Variants in C5 observed in about 807,000 individuals in gnomAD.
The protein encoded by C5 is C3 and PZP-like alpha-2-macroglobulin domain-containing protein 4.
Under a neutral mutation model 218.8 loss-of-function variants are expected in C5, and 140 were observed. That is an observed-to-expected ratio of 0.64 (90% CI 0.56 to 0.74). The LOEUF (loss-of-function observed/expected upper bound fraction) is 0.74. Among genes scored for constraint, C5 ranks in the 30% least tolerant of loss-of-function variants. The pLI is 0.00. For missense variants in C5, 1,700 were observed against 1,969.6 expected (o/e 0.86, Z 2.59); for synonymous variants, 614 against 682.3 (o/e 0.90, Z 1.56).
At position 120,957,378 on chromosome 9, in the gene C5, GACAA is replaced by G. The variant is rs1475452140; in HGVS notation, c.4679-14_4679-11del. The G allele has an allele frequency of 6.2e-7, 1 of 1,604,090 alleles. No individual in the cohort carries two copies. Among genetic ancestry groups the G allele is most frequent in the South Asian group, 1.1e-5 (1 of 90,862 alleles). ...ATGCTAACTTTATAAGCTGGCAAAAGACAAACAACAATGAAACAATTCAGTCTTA... is the reference window on the plus strand; with the variant it reads ...ATGCTAACTTTATAAGCTGGCAAAAGACAACAATGAAACAATTCAGTCTTA... On this transcript the variant is annotated splice_polypyrimidine_tract_variant and intron_variant, in intron 38 of 40. Coordinates refer to ENST00000223642, the MANE Select transcript of C5 (RefSeq NM_001735.3).
rs772694883 is a variant in C5 at position 120,952,748 on chromosome 9, A to T, written c.5022T>A (p.Asn1674Lys). Residue 1674 changes from asparagine (N) to lysine (K), a missense_variant, in exon 41 of 41, where the codon AAT becomes AAA. By Grantham distance (94) the Asn-to-Lys change is moderately conservative. Coordinates refer to ENST00000223642, the MANE Select transcript of C5 (RefSeq NM_001735.3). ...CTGAACTTCAGGAATTTTAGCATCC[A>T]TTTAAAAAGATATCTTCGGCAAATT... is the stretch of plus-strand genomic sequence containing the variant. ...LDEFAEDIFL[N>K]GC 3.1e-6 allele frequency: 5 copies of T among 1,612,994 alleles called. No individual in the cohort carries two copies. In the African/African-American group the frequency reaches 6.7e-5, roughly 22 times the overall value.
At chr9:121,029,723 A>G (rs1279447582) in intron 7 of C5, among the ~76,000 whole-genome samples, 1 of 152,206 alleles carries the variant, frequency 6.6e-6, no homozygotes, top group African/African-American at 2.4e-5. Flanking sequence ...TGCTTTGGAC[A>G]AAAGAATGTG....
In C5 at chr9:120,976,833, G is replaced by A. The variant is rs754562499; in HGVS notation, c.3731C>T (p.Thr1244Met). 56 of 1,613,914 alleles carry A rather than the reference G, an allele frequency of 3.5e-5. No individual in the cohort carries two copies. Among genetic ancestry groups the A allele is most frequent in the African/African-American group, 2.1e-4 (16 of 74,900 alleles). ...HKDSSVPNTG[T>M]ARMVETTAYA... ...GGCAGTTGTTTCTACCATACGTGCC[G>A]TACCAGTGTTAGGTACAGAGCTGTC... The change falls in exon 29 of 41, where the codon ACG becomes ATG. Residue 1244 changes from threonine (T) to methionine (M), a missense_variant. Transcript: ENST00000223642.
intron 25 of C5, among the ~76,000 whole-genome samples, chr9:120,984,922 A>G (rs2047022136): frequency 6.6e-6 from 1 of 151,778 alleles, no homozygotes; most frequent in Admixed American, 6.6e-5. Context: ...GGGTTTCACC[A>G]TGTTGGCCAG....
chr9:121,043,277 T>A, intron 2 of C5, 111 bp from the exon 3 acceptor site: 1 of 940,630 alleles, frequency 1.1e-6, no homozygotes, highest in Non-Finnish European at 1.6e-6. Context: ...GTATATGTAA[T>A]CATTTAAAAA....
At chr9:120,952,946 C>T (rs560815302) in intron 40 of C5, 78 bp from the exon 41 acceptor site, 197 of 1,513,534 alleles carry the variant, frequency 1.3e-4, no homozygotes, top group Middle Eastern at 2.4e-4. Flanking sequence ...TTTTTTGAGA[C>T]GGAGTCTTGC....
intron 12 of C5, among the ~76,000 whole-genome samples, chr9:121,019,279 T>A (rs1405427969): frequency 6.6e-6 from 1 of 152,238 alleles, no homozygotes; most frequent in Non-Finnish European, 1.5e-5. Flanking sequence ...TCTATGGTCC[T>A]CATTACTGTT....
At chr9:121,010,735 T>C (rs2047254796) in intron 17 of C5, among the ~76,000 whole-genome samples, 1 of 152,176 alleles carries the variant, frequency 6.6e-6, no homozygotes, top group Non-Finnish European at 1.5e-5. Flanking sequence ...CTTCAAATTA[T>C]ACTATAGTAT....
At chr9:120,958,567 CTTTT>C (rs41313613) in intron 38 of C5, among the ~76,000 whole-genome samples, 1 of 143,458 alleles carries the variant, frequency 7.0e-6, no homozygotes, top group Admixed American at 7.0e-5. Flanking sequence ...AGCTTTTTAG[CTTTT>C]TTTTTTTTCC....
intron 9 of C5, 52 bp from the exon 10 acceptor site, chr9:121,023,571 G>A (rs747763210): frequency 7.2e-6 from 7 of 968,876 alleles, no homozygotes; most frequent in Admixed American, 1.7e-5. Context: ...ATCATGATCT[G>A]TATGGATATC....
At chr9:120,963,113 G>A in intron 34 of C5, 146 bp from the exon 35 acceptor site, 1 of 718,648 alleles carries the variant, frequency 1.4e-6, no homozygotes, top group Non-Finnish European at 2.5e-6. Context: ...GAAAAAGTCT[G>A]AACACATTAG....
chr9:120,956,729 G>T (rs1323108273), intron 39 of C5, among the ~76,000 whole-genome samples: 1 of 152,120 alleles, frequency 6.6e-6, no homozygotes, highest in Non-Finnish European at 1.5e-5. Context: ...AATGGAACAG[G>T]TTACAGCACC....
chr9:120,988,255 C>T (rs968514028), intron 25 of C5, among the ~76,000 whole-genome samples: 1 of 152,162 alleles, frequency 6.6e-6, no homozygotes, highest in African/African-American at 2.4e-5. Context: ...TAGAACTTCC[C>T]GCATGGAGCT....
At chr9:120,973,013 T>C (rs111702554) in intron 30 of C5, among the ~76,000 whole-genome samples, 109 of 152,286 alleles carry the variant, frequency 7.2e-4, no homozygotes, top group African/African-American at 2.5e-3. Flanking sequence ...TCACCACACT[T>C]AATCACATAC....
At chr9:121,007,733 G>A (rs2047227377) in intron 18 of C5, among the ~76,000 whole-genome samples, 1 of 152,208 alleles carries the variant, frequency 6.6e-6, no homozygotes, top group East Asian at 1.9e-4. Context: ...AATTGAGGGT[G>A]CAATTAATCC....
intron 4 of C5, 130 bp downstream of exon 4, chr9:121,037,751 C>A: frequency 1.9e-6 from 1 of 535,952 alleles, no homozygotes; most frequent in South Asian, 3.2e-5. Context: ...ATTCTATACT[C>A]ATTGCAGATG....
intron 4 of C5, among the ~76,000 whole-genome samples, chr9:121,037,451 C>G (rs1461960749): frequency 6.6e-6 from 1 of 151,734 alleles, no homozygotes; most frequent in Non-Finnish European, 1.5e-5. Context: ...GTAGCTGGGA[C>G]TACAGGCGCC....
Position 120,952,886 on chromosome 9 carries a change from GT to G in C5, c.4902-19del. The G allele has an allele frequency of 6.2e-7, 1 of 1,612,682 alleles. No homozygotes were observed. Among genetic ancestry groups the G allele is most frequent in the Non-Finnish European group, 8.5e-7 (1 of 1,179,326 alleles). On this transcript the variant is annotated intron_variant, in intron 40 of 40. Transcript: ENST00000223642. ...AGATGTACCTACCAAGAAACAAAGTGTTTGTGAGGTGGCCACAAAACAGAAA... is the reference window on the plus strand; with the variant it reads ...AGATGTACCTACCAAGAAACAAAGTGTTGTGAGGTGGCCACAAAACAGAAA...
the C5 span, among the ~76,000 whole-genome samples, chr9:121,068,505 C>T: frequency 6.6e-6 from 1 of 152,152 alleles, no homozygotes; most frequent in Non-Finnish European, 1.5e-5. Flanking sequence ...AAAGACATCT[C>T]ACTTTTCATG....
Sources: gnomAD v4.1 joint callset for allele counts (sites outside exome capture counted in the v4.1 genomes callset) on GRCh38, gnomAD v4.1.1 for gene constraint, MANE v1.5 for transcripts, NCBI Gene and HGNC (gene_info 2026-07-23, HGNC 2026-07-21) for gene names.